TUBGCP5: variants seen among roughly 807,000 people sequenced by gnomAD.
The protein encoded by TUBGCP5 is tubulin gamma complex component 5.
Under a neutral mutation model 134.7 loss-of-function variants are expected in TUBGCP5, and 98 were observed. That is an observed-to-expected ratio of 0.73 (90% CI 0.62 to 0.86). The LOEUF (loss-of-function observed/expected upper bound fraction) is 0.86, where lower values mean the gene tolerates loss of function less well. TUBGCP5 is among the 40% of genes least tolerant of loss of function. The pLI, the probability that TUBGCP5 is intolerant of heterozygous loss-of-function variation, is 0.00. For synonymous variants in TUBGCP5, 456 were observed against 431.4 expected (o/e 1.06, Z -0.71); for missense variants, 1,150 against 1,244.8 (o/e 0.92, Z 1.15).
intron 10 of TUBGCP5, among the ~76,000 whole-genome samples, chr15:23,022,757 T>C (rs1178925726): frequency 2.0e-5 from 3 of 152,242 alleles, no homozygotes; most frequent in Admixed American, 1.3e-4. Context: ...GTTTTGACCA[T>C]GTACTGTCAC....
intron 21 of TUBGCP5, among the ~76,000 whole-genome samples, chr15:23,001,129 G>A (rs550325491): frequency 2.0e-5 from 3 of 151,974 alleles, no homozygotes; most frequent in East Asian, 1.9e-4. Context: ...TGTAACCTCC[G>A]CCTCCTGGGT....
chr15:23,030,448 C>T (rs1389330873), intron 6 of TUBGCP5, among the ~76,000 whole-genome samples: 1 of 152,082 alleles, frequency 6.6e-6, no homozygotes, highest in Non-Finnish European at 1.5e-5. Context: ...GTGCTCAAGT[C>T]CCTGATATAA....
At chr15:23,025,291 C>T (rs2065922183) in intron 8 of TUBGCP5, among the ~76,000 whole-genome samples, 2 of 152,152 alleles carry the variant, frequency 1.3e-5, no homozygotes, top group African/African-American at 2.4e-5. Flanking sequence ...ATCTGATTAC[C>T]CTAAGACTCA....
chr15:23,015,800 T>C (rs1330019241), intron 13 of TUBGCP5, among the ~76,000 whole-genome samples: 1 of 152,162 alleles, frequency 6.6e-6, no homozygotes, highest in East Asian at 1.9e-4. Flanking sequence ...CTACTGCATT[T>C]GTCCAGAACC....
intron 8 of TUBGCP5, among the ~76,000 whole-genome samples, chr15:23,025,561 G>A (rs1174425501): frequency 6.6e-6 from 1 of 152,252 alleles, no homozygotes; most frequent in Non-Finnish European, 1.5e-5. Flanking sequence ...CTACCGGCGC[G>A]GTGGCTCACG....
At chr15:23,020,621 T>C (rs897436546) in intron 11 of TUBGCP5, among the ~76,000 whole-genome samples, 24 of 148,306 alleles carry the variant, frequency 1.6e-4, no homozygotes, top group Non-Finnish European at 3.0e-4. Flanking sequence ...AAAAGAAATA[T>C]GGTATTAAAT....
intron 3 of TUBGCP5, among the ~76,000 whole-genome samples, chr15:23,033,363 A>T (rs7495969): frequency 6.6e-6 from 1 of 151,450 alleles, no homozygotes; most frequent in African/African-American, 2.4e-5. Flanking sequence ...CCGCAACCTC[A>T]GCCTCCCCTG....
At position 23,010,141 on chromosome 15, in the gene TUBGCP5, A is replaced by G. The variant is rs1157457304; in HGVS notation, c.1956-8T>C. 1.2e-6 allele frequency: 2 copies of G among 1,606,938 alleles called. No homozygotes were observed. The highest frequency in any genetic ancestry group is 1.1e-5 in the South Asian group (1 of 90,330). On this transcript the variant is annotated splice_polypyrimidine_tract_variant and splice_region_variant and intron_variant, in intron 14 of 22. Transcript: ENST00000615383. ...CTCTGCTCCAAATACATCCTTCAAGATAAAAATGTGAGTCTTCTTTTTATG... is the reference window on the plus strand; with the variant it reads ...CTCTGCTCCAAATACATCCTTCAAGGTAAAAATGTGAGTCTTCTTTTTATG...
intron 5 of TUBGCP5, 78 bp from the exon 6 acceptor site, chr15:23,031,098 CTT>C (rs755984545): frequency 9.3e-6 from 13 of 1,393,792 alleles, no homozygotes; most frequent in Admixed American, 5.4e-5. Context: ...ACTAAGAAAA[CTT>C]TGAAGAAAAG....
intron 11 of TUBGCP5, among the ~76,000 whole-genome samples, chr15:23,021,218 A>C (rs1595879081): frequency 6.6e-6 from 1 of 152,008 alleles, no homozygotes; most frequent in African/African-American, 2.4e-5. Flanking sequence ...TGATCCTCTC[A>C]CCTCAGACTC....
chr15:23,008,515 C>T (rs1048388258), intron 16 of TUBGCP5, 184 bp downstream of exon 16: 2 of 733,668 alleles, frequency 2.7e-6, no homozygotes, highest in South Asian at 1.6e-5. Flanking sequence ...GCCTCTGCCT[C>T]CCAAAGTGCT....
In TUBGCP5 at chr15:23,039,502, C is replaced by T. The variant is rs1193737981; in HGVS notation, c.42G>A (p.Gln14=). The T allele has an allele frequency of 6.6e-7, 1 of 1,511,262 alleles. No homozygotes were observed. The highest frequency in any genetic ancestry group is 8.9e-7 in the Non-Finnish European group (1 of 1,122,906). 93.6% of individuals were successfully genotyped at this position (1,511,262 alleles called of 1,614,324 possible). ...HGPPWSRLDA[Q]QERDVRELVR... ...CGAGCTCCCGCACGTCGCGCTCCTG[C>T]TGCGCGTCCAACCGACTCCACGGTG... is the stretch of plus-strand genomic sequence containing the variant. The change falls in exon 1 of 23, where the codon CAG becomes CAA. Residue 14 remains glutamine, a synonymous_variant. Coordinates refer to ENST00000615383, the MANE Select transcript of TUBGCP5 (RefSeq NM_052903.6).
In TUBGCP5 at chr15:23,030,872, T is replaced by C. The variant is rs767260818; in HGVS notation, c.622+13A>G. 6.2e-7 allele frequency: 1 copy of C among 1,607,102 alleles called. No individual in the cohort carries two copies. The highest frequency in any genetic ancestry group is 8.5e-7 in the Non-Finnish European group (1 of 1,178,418). On this transcript the variant is annotated intron_variant, in intron 6 of 22. Coordinates refer to ENST00000615383, the MANE Select transcript of TUBGCP5 (RefSeq NM_052903.6). ...TCTATTAGAAAATGCGAGCACCTCA[T>C]AACACATAATACCTTTCCAACTGAT... is the stretch of plus-strand genomic sequence containing the variant.
Position 23,005,607 on chromosome 15 carries a change from A to C in TUBGCP5, c.2537T>G (p.Leu846Arg). 1 of 1,610,228 alleles carries C rather than the reference A, an allele frequency of 6.2e-7. No homozygotes were observed. Among genetic ancestry groups the C allele is most frequent in the Non-Finnish European group, 8.5e-7 (1 of 1,177,784 alleles). The change falls in exon 19 of 23, where the codon CTG becomes CGG. Residue 846 changes from leucine (L) to arginine (R), a missense_variant. Physicochemically the swap from Leu to Arg is moderately radical, Grantham distance 102. Transcript: ENST00000615383. Reference protein sequence around the residue: ...YSLDVLLFGELVSTAEKPRLK... With the variant: ...YSLDVLLFGERVSTAEKPRLK... ...TCGTGGTTTTTCTGCAGTACTAACC[A>C]GTTCTATAAAACATTGGAAGAGCAA...
intron 13 of TUBGCP5, among the ~76,000 whole-genome samples, chr15:23,017,383 A>C (rs2065396295): frequency 6.6e-6 from 1 of 152,152 alleles, no homozygotes. Context: ...AATTATCCTG[A>C]TCTGATCACT....
rs1472149528 is a variant in TUBGCP5, at chr15:23,003,094, G to A, written c.2898C>T (p.Asp966=). 9 of 1,613,972 alleles carry A rather than the reference G, an allele frequency of 5.6e-6. No individual in the cohort carries two copies. Among genetic ancestry groups the A allele is most frequent in the African/African-American group, 1.3e-5 (1 of 74,904 alleles). ...KVLNLALMFA[D]GWQAGLGTWR... ...AAGTGCCCAGGCCTGCCTGCCAACC[G>A]TCTGCAAACATGAGAGCCAAGTTCA... The change falls in exon 21 of 23, where the codon GAC becomes GAT. Residue 966 remains aspartate (D), a synonymous_variant. Transcript: ENST00000615383.
intron 13 of TUBGCP5, among the ~76,000 whole-genome samples, chr15:23,017,174 TG>T (rs1429272607): frequency 6.6e-6 from 1 of 151,764 alleles, no homozygotes; most frequent in African/African-American, 2.4e-5. Context: ...TGCTGGATTT[TG>T]TAGGGGGAAG....
At chr15:23,002,683 T>C (rs994750757) in intron 21 of TUBGCP5, among the ~76,000 whole-genome samples, 15 of 152,186 alleles carry the variant, frequency 9.9e-5, no homozygotes, top group African/African-American at 3.6e-4. Flanking sequence ...ATGACAGAGC[T>C]GTCCTCACTG....
chr15:23,020,584 C>CAAAAA (rs542905350), intron 11 of TUBGCP5, among the ~76,000 whole-genome samples: 17 of 76,232 alleles, frequency 2.2e-4, no homozygotes, highest in Admixed American at 3.8e-4. Flanking sequence ...GACTACGTCT[C>CAAAAA]AAAAAAAAAA....
Sources: gnomAD v4.1 joint callset for allele counts (sites outside exome capture counted in the v4.1 genomes callset) on GRCh38, gnomAD v4.1.1 for gene constraint, MANE v1.5 for transcripts, NCBI Gene and HGNC (gene_info 2026-07-23, HGNC 2026-07-21) for gene names.